OSGIN2: variants seen among roughly 807,000 people sequenced by gnomAD.
The protein encoded by OSGIN2 is oxidative stress-induced growth inhibitor 2.
Under a neutral mutation model 53.8 loss-of-function variants are expected in OSGIN2, and 19 were observed. The observed-to-expected ratio is 0.35, with a 90% confidence interval of 0.25 to 0.52. The LOEUF is 0.52. Ranked by LOEUF, OSGIN2 falls within the 20% of genes least tolerant of loss-of-function variation. The pLI is 0.95. For missense variants in OSGIN2, 520 were observed against 662.7 expected (o/e 0.78, Z 2.36); for synonymous variants, 236 against 236.0 (o/e 1.00, Z 0.00).
chr8:89,910,523 T>C (rs888755360), intron 2 of OSGIN2, among the ~76,000 whole-genome samples: 3 of 152,210 alleles, frequency 2.0e-5, no homozygotes, highest in African/African-American at 7.2e-5. Flanking sequence ...TCATGTCCTC[T>C]GGCTTGTGGG....
intron 4 of OSGIN2, among the ~76,000 whole-genome samples, chr8:89,915,440 T>C (rs900395804): frequency 2.6e-5 from 4 of 152,110 alleles, no homozygotes; most frequent in Non-Finnish European, 5.9e-5. Context: ...AAGCATCACA[T>C]TGGGGGTCAG....
At chr8:89,914,032 A>T in intron 2 of OSGIN2, 45 bp from the exon 3 acceptor site, 1 of 1,561,616 alleles carries the variant, frequency 6.4e-7, no homozygotes, top group Non-Finnish European at 8.8e-7. Flanking sequence ...GAACAAGAGT[A>T]TTAAGATGCA....
rs141102735 is a variant in OSGIN2, at chr8:89,919,209, G to A, written c.529-1871G>A. ...GGAGTCCAAGTTCATTCTCAGTCTC[G>A]AAGATTCAATAGGATTCACAGGACT... is the stretch of plus-strand genomic sequence containing the variant. On this transcript the variant is annotated intron_variant, in intron 4 of 5. Coordinates refer to ENST00000451899, the MANE Select transcript of OSGIN2 (RefSeq NM_001126111.3). Among the ~76,000 whole-genome samples the A allele has an allele frequency of 2.6e-3, 392 of 152,118 alleles. 1 individual carries two copies. The highest frequency in any genetic ancestry group is 9.0e-3 in the African/African-American group (372 of 41,472).
chr8:89,921,217 G>A (rs1224009522), intron 5 of OSGIN2, 46 bp downstream of exon 5: 3 of 1,102,666 alleles, frequency 2.7e-6, no homozygotes, highest in African/African-American at 3.2e-5. Flanking sequence ...CGTTGAAAAA[G>A]AGAATGTGGA....
chr8:89,913,744 CACATT>C (rs1261511535), intron 2 of OSGIN2, among the ~76,000 whole-genome samples: 1 of 152,076 alleles, frequency 6.6e-6, no homozygotes, highest in Non-Finnish European at 1.5e-5. Context: ...TGCTTTTGAG[CACATT>C]ACATTAAAGT....
In OSGIN2 at chr8:89,906,893, A is replaced by G. The variant is rs114575071; in HGVS notation, c.45-2674A>G. On this transcript the variant is annotated intron_variant, in intron 1 of 5. Transcript: ENST00000451899. ...TGGCTGAACTAATACACTCCCCCCA[A>G]CATATAAGCATTCCCTTTTCTCCAT... is the stretch of plus-strand genomic sequence containing the variant. Among the ~76,000 whole-genome samples, 994 of 152,228 alleles carry G rather than the reference A, an allele frequency of 6.5e-3. 14 individuals are homozygous for G. The highest frequency in any genetic ancestry group is 0.022 in the African/African-American group (913 of 41,546).
At chr8:89,902,920 G>C (rs1808754957) in intron 1 of OSGIN2, 83 bp downstream of exon 1, 2 of 1,008,282 alleles carry the variant, frequency 2.0e-6, no homozygotes, top group Non-Finnish European at 2.7e-6. Context: ...GGCCGGGACC[G>C]GGGTGGAGGG....
chr8:89,914,313 A>G (rs1186273017), intron 3 of OSGIN2, 100 bp downstream of exon 3: 3 of 770,276 alleles, frequency 3.9e-6, no homozygotes, highest in Non-Finnish European at 4.1e-6. Context: ...CTTATTCTAA[A>G]TAACACCTTA....
intron 1 of OSGIN2, among the ~76,000 whole-genome samples, chr8:89,907,859 A>C (rs1313558913): frequency 6.6e-6 from 1 of 152,166 alleles, no homozygotes; most frequent in Non-Finnish European, 1.5e-5. Context: ...AGTTTGTATG[A>C]ATTTGCATAG....
chr8:89,904,698 C>A (rs893956523), intron 1 of OSGIN2, among the ~76,000 whole-genome samples: 1 of 152,084 alleles, frequency 6.6e-6, no homozygotes, highest in Non-Finnish European at 1.5e-5. Context: ...CACCTGTAAT[C>A]CCAGCTACTC....
rs1332131969 is a variant in OSGIN2 at position 89,925,844 on chromosome 8, C to G, written c.*312C>G. The G allele has an allele frequency of 3.8e-6, 1 of 264,924 alleles. No homozygotes were observed. Among genetic ancestry groups the G allele is most frequent in the Non-Finnish European group, 7.3e-6 (1 of 137,274 alleles). 16.4% of individuals were successfully genotyped at this position (264,924 alleles called of 1,614,324 possible). On this transcript the variant is annotated 3_prime_UTR_variant, in exon 6 of 6. Transcript: ENST00000451899. The stretch of plus-strand genomic sequence containing the variant: ...TTTTGGTTATTTATTATACTTGATT[C>G]CAAAATAGTACAGCCTTGAATCTAT...
At chr8:89,915,726 G>A (rs905505089) in intron 4 of OSGIN2, among the ~76,000 whole-genome samples, 25 of 152,132 alleles carry the variant, frequency 1.6e-4, no homozygotes, top group Non-Finnish European at 3.2e-4. Context: ...CAAATTTTTA[G>A]TACAAACTTC....
chr8:89,914,426 T>G, intron 3 of OSGIN2, 129 bp from the exon 4 acceptor site: 1 of 725,942 alleles, frequency 1.4e-6, no homozygotes, highest in African/African-American at 1.8e-5. Context: ...TAATGGAGAT[T>G]TAGTAGGTGC....
intron 2 of OSGIN2, among the ~76,000 whole-genome samples, chr8:89,911,893 G>A (rs1160620545): frequency 6.6e-6 from 1 of 151,512 alleles, no homozygotes; most frequent in Non-Finnish European, 1.5e-5. Context: ...AGCCGAGATC[G>A]CACCACTGTA....
intron 4 of OSGIN2, among the ~76,000 whole-genome samples, chr8:89,917,583 T>C (rs897614621): frequency 8.5e-5 from 13 of 152,208 alleles, no homozygotes; most frequent in African/African-American, 3.1e-4. Flanking sequence ...TTCTCCACTC[T>C]CAGTTGGGGC....
intron 4 of OSGIN2, among the ~76,000 whole-genome samples, chr8:89,915,751 G>GTAT (rs1809064433): frequency 6.6e-6 from 1 of 152,166 alleles, no homozygotes; most frequent in Non-Finnish European, 1.5e-5. Flanking sequence ...GGCTGTTCGT[G>GTAT]TATTAGTGCA....
At chr8:89,911,891 T>C (rs986642601) in intron 2 of OSGIN2, among the ~76,000 whole-genome samples, 3 of 151,612 alleles carry the variant, frequency 2.0e-5, no homozygotes, top group Non-Finnish European at 4.4e-5. Flanking sequence ...TGAGCCGAGA[T>C]CGCACCACTG....
chr8:89,922,884 G>A (rs750550345), intron 5 of OSGIN2, among the ~76,000 whole-genome samples: 7 of 152,100 alleles, frequency 4.6e-5, no homozygotes, highest in Non-Finnish European at 8.8e-5. Context: ...ACCCAGTACA[G>A]CATGTTGCTG....
intron 3 of OSGIN2, 67 bp from the exon 4 acceptor site, chr8:89,914,488 G>T: frequency 8.4e-7 from 1 of 1,193,374 alleles, no homozygotes; most frequent in Non-Finnish European, 1.2e-6. Flanking sequence ...ATCATGGTAA[G>T]CATTAGAATA....
Sources: allele counts gnomAD v4.1 joint callset (sites outside exome capture counted in the v4.1 genomes callset), GRCh38; gene constraint gnomAD v4.1.1; transcripts MANE v1.5; gene names NCBI Gene and HGNC (gene_info 2026-07-23, HGNC 2026-07-21).